The following PDGFD variants were observed in gnomAD, a reference collection of about 807,000 sequenced individuals.
PDGFD encodes platelet-derived growth factor D.
Under a neutral mutation model 44.7 loss-of-function variants are expected in PDGFD, and 30 were observed. The ratio of observed to expected loss-of-function variants is 0.67; its 90% CI spans 0.50 to 0.91. The LOEUF is 0.91. Ranked by LOEUF, PDGFD falls within the 40% of genes least tolerant of loss-of-function variation. PDGFD has a pLI of 0.00. For missense variants in PDGFD, 445 were observed against 457.8 expected, an observed-to-expected ratio of 0.97 and a Z score of 0.25; for synonymous variants, 173 against 168.4, an observed-to-expected ratio of 1.03 and a Z score of -0.21.
intron 3 of PDGFD, among the ~76,000 whole-genome samples, chr11:103,956,777 C>G (rs1478425251): frequency 1.3e-5 from 2 of 152,126 alleles, no homozygotes; most frequent in Non-Finnish European, 2.9e-5. Flanking sequence ...GATGGTATCT[C>G]ATTGTGGTTT....
chr11:103,952,078 G>C (rs1858767644), intron 3 of PDGFD, among the ~76,000 whole-genome samples: 1 of 152,132 alleles, frequency 6.6e-6, no homozygotes, highest in Non-Finnish European at 1.5e-5. Context: ...CATTCTGACT[G>C]GTTGGTCCCT....
In PDGFD at chr11:103,908,567, A is replaced by C. The variant is rs1215296304; in HGVS notation, c.*1127T>G. On this transcript the variant is annotated 3_prime_UTR_variant, in exon 7 of 7. Transcript: ENST00000393158. ...GATACACAAAAGCTTTTAGGTTGTA[A>C]ATAATCTATGATGGCCTGCCAAATA... 5 of 152,214 alleles carry C rather than the reference A, an allele frequency of 3.3e-5. No homozygotes were observed. Among genetic ancestry groups the C allele is most frequent in the African/African-American group, 1.2e-4 (5 of 41,458 alleles). The allele number at this position is 152,214 out of a possible 1,614,324, so 9.4% of individuals were successfully genotyped here.
At chr11:104,022,650 C>G (rs909261809) in intron 1 of PDGFD, among the ~76,000 whole-genome samples, 8 of 151,600 alleles carry the variant, frequency 5.3e-5, no homozygotes, top group Non-Finnish European at 1.0e-4. Context: ...TATGCTAAGC[C>G]AAAATTTAGT....
At chr11:104,086,221 T>C (rs908898280) in intron 1 of PDGFD, among the ~76,000 whole-genome samples, 6 of 152,074 alleles carry the variant, frequency 3.9e-5, no homozygotes, top group Admixed American at 2.0e-4. Flanking sequence ...GTCTTGCTGA[T>C]TGAAGAAGAT....
chr11:104,119,210 A>C (rs182680600), intron 1 of PDGFD, among the ~76,000 whole-genome samples: 1 of 7,078 alleles, frequency 1.4e-4, no homozygotes, highest in Non-Finnish European at 3.5e-4. Context: ...ATAATATATT[A>C]ATATAATATA....
intron 1 of PDGFD, among the ~76,000 whole-genome samples, chr11:104,090,628 CA>C (rs66464259): frequency 0.21 from 27,667 of 134,332 alleles, 2,283 homozygotes; most frequent in South Asian, 0.25. Context: ...GACCCTGTCT[CA>C]AAAAAAAAAA....
In PDGFD at chr11:104,163,872, C is replaced by G. The variant is rs774483832; in HGVS notation, c.56G>C (p.Arg19Pro). The G allele has an allele frequency of 2.5e-6, 4 of 1,576,980 alleles. No individual in the cohort carries two copies. In the Admixed American group the frequency reaches 6.8e-5, roughly 27 times the overall value. ...GCTCTGCGGGGTTGCAGAAGTGTCC[C>G]GACAGCTGCAAAAGTTTGCGCAGAT... ...TLICANFCSC[R>P]DTSATPQSAS... The change falls in exon 1 of 7, where the codon CGG (arginine) becomes CCG (proline). Residue 19 changes from arginine (R) to proline (P), a missense_variant. Arg to Pro is a moderately radical substitution (Grantham distance 103). Transcript: ENST00000393158.
intron 3 of PDGFD, among the ~76,000 whole-genome samples, chr11:103,961,153 A>G (rs1346211766): frequency 6.6e-6 from 1 of 152,206 alleles, no homozygotes; most frequent in African/African-American, 2.4e-5. Context: ...AGTACCTACA[A>G]CAGGGCCTGT....
In PDGFD at chr11:104,038,224, G is replaced by A. The variant is rs118011484; in HGVS notation, c.125-37969C>T. The A allele has an allele frequency of 1.3e-3, 754 of 559,522 alleles. 3 individuals carry two copies. Among genetic ancestry groups the A allele is most frequent in the Non-Finnish European group, 2.1e-3 (659 of 314,478 alleles). 34.7% of individuals were successfully genotyped at this position (559,522 alleles called of 1,614,324 possible). On this transcript the variant is annotated intron_variant, in intron 1 of 6. Transcript: ENST00000393158. ...TCCCTTGTCCAGAGATCACTGAAAG[G>A]CATCCTGGGAAGGCTCTGGAGGCTC...
At chr11:103,921,035 T>C (rs1858207779) in intron 6 of PDGFD, among the ~76,000 whole-genome samples, 1 of 152,106 alleles carries the variant, frequency 6.6e-6, no homozygotes, top group South Asian at 2.1e-4. Flanking sequence ...CCCTGGGAAG[T>C]TTTAAGTGGC....
At chr11:103,996,603 A>G (rs191512834) in intron 2 of PDGFD, among the ~76,000 whole-genome samples, 1 of 152,342 alleles carries the variant, frequency 6.6e-6, no homozygotes, top group African/African-American at 2.4e-5. Context: ...TTATAGGCCC[A>G]AATATTAACT....
At chr11:104,150,992 TA>T (rs1377472681) in intron 1 of PDGFD, among the ~76,000 whole-genome samples, 10 of 152,210 alleles carry the variant, frequency 6.6e-5, no homozygotes, top group African/African-American at 2.4e-4. Flanking sequence ...AAGCATTAAT[TA>T]AAAATGGTCA....
chr11:104,066,381 G>T (rs1860792152), intron 1 of PDGFD, among the ~76,000 whole-genome samples: 2 of 152,110 alleles, frequency 1.3e-5, no homozygotes, highest in Admixed American at 1.3e-4. Context: ...TATTTCAGTG[G>T]ATAAAGAAGT....
intron 1 of PDGFD, chr11:104,038,123 C>A (rs1333033644): frequency 8.6e-7 from 1 of 1,167,564 alleles, no homozygotes; most frequent in Admixed American, 2.8e-5. Context: ...AACAACTAAA[C>A]CTGGCCTTGG....
intron 1 of PDGFD, among the ~76,000 whole-genome samples, chr11:104,137,996 A>C (rs361270): frequency 0.64 from 97,001 of 151,872 alleles, 31,360 homozygotes; most frequent in East Asian, 0.75. Context: ...AAAATGAGTT[A>C]TTGAAAGCAG....
intron 1 of PDGFD, among the ~76,000 whole-genome samples, chr11:104,013,132 G>A (rs1197693503): frequency 6.6e-6 from 1 of 152,204 alleles, no homozygotes; most frequent in Non-Finnish European, 1.5e-5. Context: ...TGAAGTGTCT[G>A]AATGTGGAGA....
chr11:104,112,692 T>TA (rs1372941267), intron 1 of PDGFD, among the ~76,000 whole-genome samples: 10 of 152,006 alleles, frequency 6.6e-5, no homozygotes, highest in African/African-American at 2.4e-4. Flanking sequence ...TATCCAGCCA[T>TA]AAAAAAGAAT....
chr11:104,163,030 T>A (rs1017994389), intron 1 of PDGFD, among the ~76,000 whole-genome samples: 1 of 151,714 alleles, frequency 6.6e-6, no homozygotes, highest in Admixed American at 6.6e-5. Flanking sequence ...TCCTCTAGAG[T>A]AAAGGAAAAC....
chr11:104,019,302 A>T (rs1483818921), intron 1 of PDGFD, among the ~76,000 whole-genome samples: 5 of 152,094 alleles, frequency 3.3e-5, no homozygotes. Flanking sequence ...CTTGAATCTC[A>T]AATGTATAAA....
Sources: gnomAD v4.1 joint callset for allele counts (sites outside exome capture counted in the v4.1 genomes callset) on GRCh38, gnomAD v4.1.1 for gene constraint, MANE v1.5 for transcripts, NCBI Gene and HGNC (gene_info 2026-07-23, HGNC 2026-07-21) for gene names.